Variants in ASH1L observed in about 807,000 individuals in gnomAD.
ASH1L encodes ASH1 like histone lysine methyltransferase.
In ASH1L, 23 loss-of-function variants were observed where a neutral mutation model predicts 269.0. The observed-to-expected ratio is 0.09, with a 90% CI of 0.06 to 0.12. ASH1L has a LOEUF of 0.12. ASH1L is among the 10% of genes least tolerant of loss of function. The pLI is 1.00. For missense variants in ASH1L, 2,912 were observed against 3,567.8 expected (o/e 0.82, Z 4.68); for synonymous variants, 1,187 against 1,253.5 (o/e 0.95, Z 1.12).
chr1:155,383,511 A>G (rs1206753982), intron 7 of ASH1L, among the ~76,000 whole-genome samples: 1 of 152,242 alleles, frequency 6.6e-6, no homozygotes, highest in South Asian at 2.1e-4. Context: ...GTATACTAAC[A>G]TGATATACAG....
At chr1:155,434,031 A>G (rs1224675926) in intron 5 of ASH1L, 1 of 1,591,154 alleles carries the variant, frequency 6.3e-7, no homozygotes, top group Non-Finnish European at 8.6e-7. Context: ...CGGTGCCAGA[A>G]AGGCAAGCAA....
intron 5 of ASH1L, among the ~76,000 whole-genome samples, chr1:155,419,148 C>G (rs1363265190): frequency 6.6e-6 from 1 of 152,072 alleles, no homozygotes; most frequent in Non-Finnish European, 1.5e-5. Context: ...TGCCTGTAAT[C>G]CCAGCACTTT....
chr1:155,512,819 G>C (rs533116056), intron 2 of ASH1L, among the ~76,000 whole-genome samples: 21 of 151,926 alleles, frequency 1.4e-4, no homozygotes, highest in African/African-American at 3.1e-4. Flanking sequence ...CAGCACTTTG[G>C]GGGGCTGAGA....
chr1:155,546,945 C>CTTTTTTT (rs71080709), intron 1 of ASH1L, among the ~76,000 whole-genome samples: 3 of 88,164 alleles, frequency 3.4e-5, no homozygotes, highest in Non-Finnish European at 6.9e-5. Context: ...TCATCACATT[C>CTTTTTTT]TTTTTTTTTT....
chr1:155,442,004 T>C (rs1024631300), intron 4 of ASH1L, among the ~76,000 whole-genome samples: 2 of 152,024 alleles, frequency 1.3e-5, no homozygotes, highest in Admixed American at 6.6e-5. Flanking sequence ...TGAGCTCAAA[T>C]GATCTGACCA....
rs1291509899 is a variant in ASH1L at position 155,411,582 on chromosome 1, AATAAATATATATATATATATATATAT to A, written c.6008+4136_6008+4161del. On this transcript the variant is annotated intron_variant, in intron 6 of 27. Coordinates refer to ENST00000392403, the MANE Select transcript of ASH1L (RefSeq NM_018489.3). ...ATATAAATATGAATATAAATAAATA[AATAAATATATATATATATATATATAT>A]ATATATATATGTTTTCATCCATGGT... Among the ~76,000 whole-genome samples, 62 of 48,418 alleles carry A rather than the reference AATAAATATATATATATATATATATAT, an allele frequency of 1.3e-3. 2 individuals are homozygous for A. The South Asian group carries it at 0.074, about 58-fold the overall frequency. The allele number at this position is 48,418 out of a possible 152,430, so 31.8% of individuals were successfully genotyped here.
intron 7 of ASH1L, among the ~76,000 whole-genome samples, chr1:155,391,089 G>A (rs1657892933): frequency 1.3e-5 from 2 of 152,114 alleles, no homozygotes; most frequent in African/African-American, 4.8e-5. Flanking sequence ...GGGAATACAA[G>A]TGCATGCCAC....
In ASH1L at chr1:155,369,542, T is replaced by TC. The variant is rs547250252; in HGVS notation, c.6686+961dup. On this transcript the variant is annotated intron_variant, in intron 12 of 27. Coordinates refer to ENST00000392403, the MANE Select transcript of ASH1L (RefSeq NM_018489.3). ...AACCCCAAAGTTGTTCATACTATCC[T>TC]CATATTATCTTTTTAAAATTATTTT... is the stretch of plus-strand genomic sequence containing the variant. 3.9e-3 allele frequency among the ~76,000 whole-genome samples: 592 copies of TC among 152,324 alleles called. 5 individuals carry two copies. The highest frequency in any genetic ancestry group is 0.014 in the African/African-American group (569 of 41,580).
chr1:155,558,464 T>A (rs1162915551), intron 1 of ASH1L, among the ~76,000 whole-genome samples: 1 of 151,524 alleles, frequency 6.6e-6, no homozygotes, highest in Non-Finnish European at 1.5e-5. Flanking sequence ...AGAGCGAAAC[T>A]CTCTCTCAAA....
Position 155,562,437 on chromosome 1 carries a change from G to A in ASH1L, c.-384C>T. The A allele has an allele frequency of 3.4e-6, 5 of 1,470,948 alleles. No homozygotes were observed. The highest frequency in any genetic ancestry group is 2.4e-5 in the South Asian group (2 of 82,696). 91.1% of individuals were successfully genotyped at this position (1,470,948 alleles called of 1,614,324 possible). A position where few individuals can be genotyped will look rare whatever the true frequency, so the allele number is the denominator to read the frequency against. On this transcript the variant is annotated 5_prime_UTR_variant, in exon 1 of 28. Transcript: ENST00000392403. ...AAATGGCGGCGGGAGCGGCGGCGGC[G>A]GCGGCGGCAGCAGCAGAGTGGCGGC...
At chr1:155,500,740 G>A (rs919147441) in intron 2 of ASH1L, among the ~76,000 whole-genome samples, 2 of 152,096 alleles carry the variant, frequency 1.3e-5, no homozygotes, top group Admixed American at 6.6e-5. Context: ...AGGCCTAGGC[G>A]TGCAGATCAC....
At chr1:155,523,787 C>T (rs550288864) in intron 1 of ASH1L, among the ~76,000 whole-genome samples, 2 of 152,240 alleles carry the variant, frequency 1.3e-5, no homozygotes, top group South Asian at 4.1e-4. Context: ...ATGAGAATCA[C>T]TTGAACCTGG....
intron 4 of ASH1L, among the ~76,000 whole-genome samples, chr1:155,449,830 G>A (rs1041975373): frequency 2.0e-5 from 3 of 151,920 alleles, no homozygotes; most frequent in African/African-American, 7.2e-5. Flanking sequence ...AGAAAAATGT[G>A]TTTTATATTT....
At chr1:155,340,405 T>C (rs1652687498) in intron 25 of ASH1L, among the ~76,000 whole-genome samples, 3 of 152,002 alleles carry the variant, frequency 2.0e-5, no homozygotes, top group Admixed American at 2.0e-4. Context: ...CTGGTCTCAA[T>C]CTCCTGACTT....
At chr1:155,432,368 T>C (rs1430416673) in intron 5 of ASH1L, among the ~76,000 whole-genome samples, 1 of 152,218 alleles carries the variant, frequency 6.6e-6, no homozygotes, top group Non-Finnish European at 1.5e-5. Context: ...CTCTTCATAA[T>C]AGCACTTGGA....
At chr1:155,397,488 ACT>A (rs1170556735) in intron 6 of ASH1L, among the ~76,000 whole-genome samples, 3 of 150,118 alleles carry the variant, frequency 2.0e-5, no homozygotes, top group Non-Finnish European at 3.0e-5. Flanking sequence ...CAAGAGCGAA[ACT>A]CTGTCTCAGA....
At chr1:155,498,122 G>C (rs143454327) in intron 2 of ASH1L, among the ~76,000 whole-genome samples, 66 of 152,274 alleles carry the variant, frequency 4.3e-4, no homozygotes, top group Admixed American at 7.8e-4. Flanking sequence ...AAACAAGCCA[G>C]TCACCAGCAG....
At chr1:155,466,172 G>A (rs1198632337) in intron 3 of ASH1L, among the ~76,000 whole-genome samples, 1 of 152,060 alleles carries the variant, frequency 6.6e-6, no homozygotes, top group African/African-American at 2.4e-5. Flanking sequence ...GGCTAACACG[G>A]TGAAACCCCG....
intron 2 of ASH1L, among the ~76,000 whole-genome samples, chr1:155,487,969 C>T (rs1341588046): frequency 3.3e-5 from 5 of 151,184 alleles, no homozygotes; most frequent in Middle Eastern, 3.4e-3. Context: ...CTCACTGCAA[C>T]CTCCGCCTCC....
Sources: allele counts gnomAD v4.1 joint callset (sites outside exome capture counted in the v4.1 genomes callset), GRCh38; gene constraint gnomAD v4.1.1; transcripts MANE v1.5; gene names NCBI Gene and HGNC (gene_info 2026-07-23, HGNC 2026-07-21).